The following MBD5 variants were observed in gnomAD, a reference collection of about 807,000 sequenced individuals.
MBD5 encodes methyl-CpG binding domain protein 5.
A neutral mutation model predicts 117.3 loss-of-function variants in MBD5; 13 were observed. That is an observed-to-expected ratio of 0.11 (90% CI 0.07 to 0.18). The LOEUF (loss-of-function observed/expected upper bound fraction) is 0.18, where lower values mean the gene tolerates loss of function less well. Ranked by LOEUF, MBD5 falls within the 10% of genes least tolerant of loss-of-function variation. The probability of loss-of-function intolerance (pLI) is 1.00; values close to 1 mark genes in which losing one functional copy is unlikely to be tolerated. For missense variants in MBD5, 1,879 were observed against 2,093.8 expected (o/e 0.90, Z 2.00); for synonymous variants, 727 against 766.4 (o/e 0.95, Z 0.85).
At chr2:148,132,276 T>C (rs1041494184) in intron 1 of MBD5, among the ~76,000 whole-genome samples, 1 of 150,452 alleles carries the variant, frequency 6.6e-6, no homozygotes, top group African/African-American at 2.4e-5. Flanking sequence ...ATTTTTATTT[T>C]TCTAGAGACC....
intron 1 of MBD5, among the ~76,000 whole-genome samples, chr2:148,059,803 G>A (rs1694977543): frequency 6.6e-6 from 1 of 150,734 alleles, no homozygotes; most frequent in Non-Finnish European, 1.5e-5. Flanking sequence ...CCAAGATCGC[G>A]CCACTGCACC....
intron 3 of MBD5, among the ~76,000 whole-genome samples, chr2:148,242,217 T>C (rs922912412): frequency 6.6e-6 from 1 of 152,124 alleles, no homozygotes; most frequent in Non-Finnish European, 1.5e-5. Context: ...CTACTTCCCT[T>C]TATTACCATA....
In MBD5 at chr2:148,468,352, G is replaced by A. The variant is rs752962199; in HGVS notation, c.409G>A (p.Val137Ile). Residue 137 changes from valine (V) to isoleucine (I), a missense_variant, in exon 8 of 14, where the codon GTA becomes ATA. Coordinates refer to ENST00000642680, the MANE Select transcript of MBD5 (RefSeq NM_001378120.1). ...SPGGGTNATP[V>I]VPSRAATPRS... ...CTCTTTCACATCAGATGCAACTCCAGTAGTACCTTCTCGGGCAGCAACTCC... is the reference window on the plus strand; with the variant it reads ...CTCTTTCACATCAGATGCAACTCCAATAGTACCTTCTCGGGCAGCAACTCC... 6.2e-7 allele frequency: 1 copy of A among 1,613,274 alleles called. No individual in the cohort carries two copies. The highest frequency in any genetic ancestry group is 2.2e-5 in the East Asian group (1 of 44,820).
chr2:148,030,087 A>G (rs557173282), intron 1 of MBD5, among the ~76,000 whole-genome samples: 1 of 152,272 alleles, frequency 6.6e-6, no homozygotes, highest in Non-Finnish European at 1.5e-5. Flanking sequence ...CCTGACCAGC[A>G]TGGTAAAACC....
chr2:148,441,766 T>C (rs1354704407), intron 4 of MBD5, among the ~76,000 whole-genome samples: 1 of 151,560 alleles, frequency 6.6e-6, no homozygotes, highest in Admixed American at 6.6e-5. Context: ...CTCCAGCACC[T>C]GTTGTTTCCT....
intron 1 of MBD5, among the ~76,000 whole-genome samples, chr2:148,074,061 A>G (rs796426444): frequency 2.6e-5 from 4 of 152,150 alleles, no homozygotes; most frequent in African/African-American, 4.8e-5. Flanking sequence ...ATATAAAGAT[A>G]TCAATAAAAC....
intron 4 of MBD5, among the ~76,000 whole-genome samples, chr2:148,365,244 G>C (rs912294164): frequency 6.6e-6 from 1 of 152,070 alleles, no homozygotes; most frequent in African/African-American, 2.4e-5. Context: ...TAACTACTGG[G>C]TTAATAACAA....
intron 4 of MBD5, among the ~76,000 whole-genome samples, chr2:148,427,324 A>G (rs1705829827): frequency 6.6e-6 from 1 of 152,200 alleles, no homozygotes; most frequent in South Asian, 2.1e-4. Flanking sequence ...AGGATTATAA[A>G]TCAAGCTGCT....
intron 11 of MBD5, among the ~76,000 whole-genome samples, chr2:148,491,489 A>G (rs1196807331): frequency 1.3e-5 from 2 of 152,014 alleles, no homozygotes; most frequent in Non-Finnish European, 2.9e-5. Flanking sequence ...TCTTACAGGT[A>G]TATGTTATTC....
At chr2:148,244,318 T>C (rs913663291) in intron 3 of MBD5, 1 of 152,090 alleles carries the variant, frequency 6.6e-6, no homozygotes, top group African/African-American at 2.4e-5. Flanking sequence ...GTTGAGAAAT[T>C]AGTGTTACAG....
chr2:148,197,794 G>T (rs1266608138), intron 2 of MBD5, among the ~76,000 whole-genome samples: 2 of 102,576 alleles, frequency 1.9e-5, no homozygotes, highest in Middle Eastern at 5.5e-3. Flanking sequence ...AGCATCTGAG[G>T]TTTTTTTTTT....
chr2:148,469,661 C>G lies in MBD5; in HGVS notation c.1718C>G (p.Ser573Cys), dbSNP rs540723139. 6.2e-7 allele frequency: 1 copy of G among 1,613,966 alleles called. No homozygotes were observed. The highest frequency in any genetic ancestry group is 8.5e-7 in the Non-Finnish European group (1 of 1,179,906). Reference sequence around the variant, plus strand: ...ATCTTGAACCAGCACAATGCTGCCTCCTTTCCAGCAAGTAGTTTACTCTCA... The same window carrying G: ...ATCTTGAACCAGCACAATGCTGCCTGCTTTCCAGCAAGTAGTTTACTCTCA... The part of the protein sequence containing the change: ...NQILNQHNAA[S>C]FPASSLLSAA... The change falls in exon 8 of 14, where the codon TCC (serine) becomes TGC (cysteine). Residue 573 changes from serine (S) to cysteine (C), a missense_variant. By Grantham distance (112) the Ser-to-Cys change is moderately radical (BLOSUM62 -1). Around this residue, in one of 4 missense-constraint regions of MBD5, gnomAD observed 1,666 missense variants for 1,792.2 expected, o/e 0.93. Transcript: ENST00000642680.
rs536198808 is a variant in MBD5, at chr2:148,451,901, T to C, written c.-556-6302T>C. Among the ~76,000 whole-genome samples, 5 of 152,298 alleles carry C rather than the reference T, an allele frequency of 3.3e-5. 1 individual carries two copies. The highest frequency in any genetic ancestry group is 1.2e-4 in the African/African-American group (5 of 41,578). Reference sequence around the variant, plus strand: ...ATATATCAAATATCTATGTTTTACCTAATGTACATAGTCTCAGCTTGATAA... The same window carrying C: ...ATATATCAAATATCTATGTTTTACCCAATGTACATAGTCTCAGCTTGATAA... On this transcript the variant is annotated intron_variant, in intron 4 of 13. Transcript: ENST00000642680.
chr2:148,154,535 C>T (rs878954425), intron 1 of MBD5, among the ~76,000 whole-genome samples: 2 of 152,220 alleles, frequency 1.3e-5, no homozygotes, highest in African/African-American at 4.8e-5. Flanking sequence ...CCCAGCCTGG[C>T]TGCCGCCTTG....
At chr2:148,392,567 C>T (rs1036389173) in intron 4 of MBD5, among the ~76,000 whole-genome samples, 1 of 152,102 alleles carries the variant, frequency 6.6e-6, no homozygotes, top group East Asian at 1.9e-4. Context: ...TGTTCCCTGG[C>T]TTTTTTGGTG....
chr2:148,084,637 A>G (rs1237776513), intron 1 of MBD5, among the ~76,000 whole-genome samples: 1 of 152,158 alleles, frequency 6.6e-6, no homozygotes, highest in Non-Finnish European at 1.5e-5. Flanking sequence ...TGAATATCAT[A>G]TACTTTTGGT....
chr2:148,277,418 A>G (rs1701141989), intron 3 of MBD5, among the ~76,000 whole-genome samples: 1 of 152,168 alleles, frequency 6.6e-6, no homozygotes, highest in Admixed American at 6.5e-5. Flanking sequence ...ATATAATACA[A>G]ACAAATATAA....
chr2:148,437,261 A>C (rs1198493470), intron 4 of MBD5, among the ~76,000 whole-genome samples: 2 of 152,116 alleles, frequency 1.3e-5, no homozygotes, highest in Non-Finnish European at 2.9e-5. Context: ...GATTACAGGC[A>C]TGAGCCACCA....
At chr2:148,329,051 A>C (rs1046572481) in intron 3 of MBD5, among the ~76,000 whole-genome samples, 6 of 152,200 alleles carry the variant, frequency 3.9e-5, no homozygotes, top group Non-Finnish European at 8.8e-5. Context: ...GCATTATTAC[A>C]TTCACTGTCA....
Sources: allele counts gnomAD v4.1 joint callset (sites outside exome capture counted in the v4.1 genomes callset), GRCh38; gene constraint gnomAD v4.1.1; regional missense constraint gnomAD v4.1.1; transcripts MANE v1.5; gene names NCBI Gene and HGNC (gene_info 2026-07-23, HGNC 2026-07-21).